The following CAST variants were observed in gnomAD, a reference collection of about 807,000 sequenced individuals.
The protein encoded by CAST is MIR583 host.
Under a neutral mutation model 119.6 loss-of-function variants are expected in CAST, and 76 were observed. The observed-to-expected ratio is 0.64, with a 90% confidence interval of 0.53 to 0.77. The LOEUF is 0.77. Among genes scored for constraint, CAST ranks in the 30% least tolerant of loss-of-function variants. The pLI is 0.00. For missense variants in CAST, 953 were observed against 946.5 expected, an observed-to-expected ratio of 1.01 and a Z score of -0.09; for synonymous variants, 319 against 331.6, an observed-to-expected ratio of 0.96 and a Z score of 0.41.
chr5:96,537,666 T>C (rs1032475030), intron 1 of CAST, among the ~76,000 whole-genome samples: 1 of 152,224 alleles, frequency 6.6e-6, no homozygotes, highest in East Asian at 1.9e-4. Context: ...CTATAGACTC[T>C]GCCATCTTTG....
At chr5:96,264,777 G>T in the CAST span, among the ~76,000 whole-genome samples, 18 of 152,218 alleles carry the variant, frequency 1.2e-4, no homozygotes, top group African/African-American at 4.1e-4. Flanking sequence ...TCATATAAAT[G>T]GAATCTCACG....
At chr5:96,344,172 G>C in the CAST span, among the ~76,000 whole-genome samples, 1 of 151,864 alleles carries the variant, frequency 6.6e-6, no homozygotes, top group East Asian at 1.9e-4. Context: ...TCAAAGGCTA[G>C]TACCGCAAGC....
the CAST span, among the ~76,000 whole-genome samples, chr5:96,241,988 C>A: frequency 6.7e-3 from 929 of 138,638 alleles, 5 homozygotes; most frequent in African/African-American, 0.023. Flanking sequence ...GAGTAGGTTG[C>A]GAAAATTTTC....
At chr5:96,275,467 T>C in the CAST span, among the ~76,000 whole-genome samples, 6 of 152,310 alleles carry the variant, frequency 3.9e-5, no homozygotes, top group East Asian at 1.2e-3. Context: ...TGTCATCCAG[T>C]TGGCTGCTGT....
chr5:96,615,838 T>C (rs893307811), intron 1 of CAST, among the ~76,000 whole-genome samples: 9 of 152,114 alleles, frequency 5.9e-5, no homozygotes, highest in African/African-American at 1.9e-4. Flanking sequence ...GGTAAATATA[T>C]ATTAGAGTTT....
chr5:96,330,622 G>A, the CAST span, among the ~76,000 whole-genome samples: 1 of 152,116 alleles, frequency 6.6e-6, no homozygotes, highest in Admixed American at 6.6e-5. Flanking sequence ...CTAACAATCA[G>A]CATATGACTT....
At chr5:96,502,401 T>C in the CAST span, among the ~76,000 whole-genome samples, 1 of 152,216 alleles carries the variant, frequency 6.6e-6, no homozygotes, top group South Asian at 2.1e-4. Context: ...TTCATAGCAG[T>C]ATTTCTTTTT....
At chr5:96,639,488 T>C (rs957843768) in intron 1 of CAST, among the ~76,000 whole-genome samples, 6 of 152,196 alleles carry the variant, frequency 3.9e-5, no homozygotes, top group African/African-American at 1.4e-4. Flanking sequence ...CAGAAACTCA[T>C]CACTTCTTCT....
chr5:96,488,541 C>G, the CAST span, among the ~76,000 whole-genome samples: 1 of 152,178 alleles, frequency 6.6e-6, no homozygotes, highest in Middle Eastern at 3.2e-3. Flanking sequence ...TTGCCAAATA[C>G]TTTACATATT....
chr5:96,409,247 G>A, the CAST span, among the ~76,000 whole-genome samples: 1 of 152,128 alleles, frequency 6.6e-6, no homozygotes, highest in Non-Finnish European at 1.5e-5. Context: ...CTCCAGCACC[G>A]AAGTTCTAGC....
chr5:96,552,776 A>G (rs559310410), intron 1 of CAST, among the ~76,000 whole-genome samples: 43 of 152,338 alleles, frequency 2.8e-4, no homozygotes, highest in Middle Eastern at 3.4e-3. Context: ...AGAATACTAT[A>G]AACACCTCTA....
At chr5:96,174,584 C>G in the CAST span, among the ~76,000 whole-genome samples, 1 of 152,124 alleles carries the variant, frequency 6.6e-6, no homozygotes, top group South Asian at 2.1e-4. Context: ...GGTTTCCCTC[C>G]TTGGTTAGAA....
At chr5:96,411,074 G>A in the CAST span, 1 of 956,484 alleles carries the variant, frequency 1.0e-6, no homozygotes, top group Non-Finnish European at 1.7e-6. Context: ...GACTACATGT[G>A]TGAAATTCTC....
intron 2 of CAST, among the ~76,000 whole-genome samples, chr5:96,689,267 A>T (rs1301195864): frequency 6.6e-6 from 1 of 152,186 alleles, no homozygotes; most frequent in East Asian, 1.9e-4. Context: ...GGACAATCTT[A>T]TCAAGTAGAT....
chr5:96,704,489 A>G (rs1379890057), intron 3 of CAST, among the ~76,000 whole-genome samples: 1 of 152,210 alleles, frequency 6.6e-6, no homozygotes, highest in Non-Finnish European at 1.5e-5. Context: ...TTATGTTTCT[A>G]TTCATTGTTT....
chr5:96,126,782 G>A, the CAST span, among the ~76,000 whole-genome samples: 14 of 152,092 alleles, frequency 9.2e-5, no homozygotes, highest in South Asian at 1.5e-3. Context: ...CTATAATAGC[G>A]TTATGCAGAA....
the CAST span, chr5:96,399,022 T>C: frequency 1.2e-6 from 2 of 1,611,252 alleles, no homozygotes; most frequent in South Asian, 2.2e-5. Context: ...AACTTCTCCA[T>C]TAGCTTTCAG....
chr5:96,146,627 C>T, the CAST span, among the ~76,000 whole-genome samples: 1 of 152,212 alleles, frequency 6.6e-6, no homozygotes, highest in Non-Finnish European at 1.5e-5. Flanking sequence ...TTTTAGAAGC[C>T]TAGTGTCAGC....
chr5:95,998,110 T>C, the CAST span, among the ~76,000 whole-genome samples: 1 of 151,880 alleles, frequency 6.6e-6, no homozygotes, highest in East Asian at 1.9e-4. Flanking sequence ...AGGGCAATGA[T>C]ACATTCACCT....
Sources: gnomAD v4.1 joint callset for allele counts (sites outside exome capture counted in the v4.1 genomes callset) on GRCh38, gnomAD v4.1.1 for gene constraint, MANE v1.5 for transcripts, NCBI Gene and HGNC (gene_info 2026-07-23, HGNC 2026-07-21) for gene names.